Variants in FHIT observed in about 807,000 individuals in gnomAD.
The protein encoded by FHIT is fragile histidine triad diadenosine triphosphatase.
In FHIT, 19 loss-of-function variants were observed where a neutral mutation model predicts 17.9. That is an observed-to-expected ratio of 1.06 (90% CI 0.74 to 1.56). The LOEUF (loss-of-function observed/expected upper bound fraction) is 1.56, where lower values mean the gene tolerates loss of function less well. FHIT is among the 40% of genes most tolerant of loss of function. FHIT has a pLI of 0.00. For synonymous variants in FHIT, 81 were observed against 69.7 expected, an observed-to-expected ratio of 1.16 and a Z score of -0.81; for missense variants, 248 against 189.2, an observed-to-expected ratio of 1.31 and a Z score of -1.82.
At chr3:60,774,665 C>T (rs897567138) in intron 4 of FHIT, among the ~76,000 whole-genome samples, 3 of 152,106 alleles carry the variant, frequency 2.0e-5, no homozygotes, top group Admixed American at 2.0e-4. Flanking sequence ...AAAGTAGATG[C>T]CAGCATCACT....
At chr3:60,835,067 G>A (rs1373440472) in intron 3 of FHIT, among the ~76,000 whole-genome samples, 3 of 152,022 alleles carry the variant, frequency 2.0e-5, no homozygotes, top group Non-Finnish European at 4.4e-5. Context: ...CTAAAAGAAG[G>A]GTTCTTTATT....
rs1559635789 is a variant in FHIT at position 59,821,758 on chromosome 3, A to ATT, written c.349-69438_349-69437insAA. 2.1e-4 allele frequency among the ~76,000 whole-genome samples: 32 copies of ATT among 149,260 alleles called. No individual in the cohort carries two copies. In the Middle Eastern group the frequency reaches 0.01, roughly 49 times the overall value. ...CCTGGTTCTTAGAGTTTTTTTTTAA[A>ATT]AAAAATATATAAATGATCTGCATTT... On this transcript the variant is annotated intron_variant, in intron 8 of 9. Coordinates refer to ENST00000492590, the MANE Select transcript of FHIT (RefSeq NM_002012.4).
chr3:60,562,811 G>C (rs151030271), intron 4 of FHIT, among the ~76,000 whole-genome samples: 14 of 152,228 alleles, frequency 9.2e-5, no homozygotes, highest in African/African-American at 2.9e-4. Context: ...TGTCCACCAA[G>C]CCTGGCCTCT....
At chr3:60,800,881 G>C (rs1272652318) in intron 4 of FHIT, among the ~76,000 whole-genome samples, 2 of 152,082 alleles carry the variant, frequency 1.3e-5, no homozygotes, top group Non-Finnish European at 2.9e-5. Flanking sequence ...GGTATTTCTG[G>C]GGAAGTTCAT....
intron 4 of FHIT, among the ~76,000 whole-genome samples, chr3:60,574,783 C>T (rs2037510663): frequency 6.6e-6 from 1 of 151,984 alleles, no homozygotes; most frequent in Non-Finnish European, 1.5e-5. Flanking sequence ...TCCTTTCAGT[C>T]CTTCCGCTTG....
chr3:61,073,132 T>A (rs1038024666), intron 2 of FHIT, among the ~76,000 whole-genome samples: 1 of 152,154 alleles, frequency 6.6e-6, no homozygotes, highest in Non-Finnish European at 1.5e-5. Flanking sequence ...TTCCAATCCC[T>A]CCTCCCTGTA....
chr3:59,749,629 ATCT>A (rs1700775200), intron 9 of FHIT, 50 bp from the exon 10 acceptor site: 1 of 230,782 alleles, frequency 4.3e-6, no homozygotes, highest in East Asian at 6.1e-5. Flanking sequence ...AACATCAGAA[ATCT>A]TCTCTGTAGG....
intron 1 of FHIT, among the ~76,000 whole-genome samples, chr3:61,214,319 G>C (rs999429502): frequency 1.3e-4 from 20 of 152,288 alleles, no homozygotes; most frequent in African/African-American, 4.1e-4. Flanking sequence ...AAATGATAAA[G>C]GGGATATCAC....
At chr3:59,755,908 T>G (rs1428940764) in intron 8 of FHIT, among the ~76,000 whole-genome samples, 1 of 152,146 alleles carries the variant, frequency 6.6e-6, no homozygotes, top group Non-Finnish European at 1.5e-5. Context: ...AGGCGAGAGT[T>G]AGTTAGGTCT....
At chr3:61,193,119 G>A (rs577153904) in intron 2 of FHIT, among the ~76,000 whole-genome samples, 6 of 152,282 alleles carry the variant, frequency 3.9e-5, no homozygotes, top group African/African-American at 9.6e-5. Context: ...TCATTGAAGG[G>A]AATGTGTTAC....
rs540489299 is a variant in FHIT at position 60,567,451 on chromosome 3, T to G, written c.-17-30472A>C. ...CCTTCCTTACACCTTATACAAAAAT[T>G]AATTCAAGATGGATTAAAGACTTAA... is the stretch of plus-strand genomic sequence containing the variant. On this transcript the variant is annotated intron_variant, in intron 4 of 9. Coordinates refer to ENST00000492590, the MANE Select transcript of FHIT (RefSeq NM_002012.4). Among the ~76,000 whole-genome samples the G allele has an allele frequency of 3.9e-4, 60 of 152,250 alleles. 1 individual carries two copies. In the South Asian group the frequency reaches 5.6e-3, roughly 14 times the overall value.
intron 4 of FHIT, among the ~76,000 whole-genome samples, chr3:60,735,289 T>C (rs370005075): frequency 1.3e-5 from 2 of 152,212 alleles, no homozygotes. Flanking sequence ...GCATTCCTCA[T>C]TGTGCTGGTA....
At chr3:59,838,133 C>G (rs1195963228) in intron 8 of FHIT, among the ~76,000 whole-genome samples, 2 of 152,172 alleles carry the variant, frequency 1.3e-5, no homozygotes, top group Non-Finnish European at 2.9e-5. Flanking sequence ...GCCTCCACCC[C>G]TCTAGCCTTC....
At chr3:60,321,843 C>T (rs1709446133) in intron 5 of FHIT, among the ~76,000 whole-genome samples, 1 of 152,186 alleles carries the variant, frequency 6.6e-6, no homozygotes, top group Non-Finnish European at 1.5e-5. Flanking sequence ...CTTGAAGCAT[C>T]TTCAGTGGTA....
At chr3:60,921,085 A>G (rs552457238) in intron 3 of FHIT, among the ~76,000 whole-genome samples, 3 of 152,342 alleles carry the variant, frequency 2.0e-5, no homozygotes, top group Admixed American at 6.5e-5. Context: ...TAGGGGACGG[A>G]GGAGAAAACT....
At chr3:60,722,084 T>C (rs1553708204) in intron 4 of FHIT, among the ~76,000 whole-genome samples, 1 of 152,178 alleles carries the variant, frequency 6.6e-6, no homozygotes, top group Non-Finnish European at 1.5e-5. Flanking sequence ...GGCTCAGAGA[T>C]GATATGGTCA....
chr3:60,596,086 A>G (rs2038261977), intron 4 of FHIT: 1 of 310,196 alleles, frequency 3.2e-6, no homozygotes, highest in Non-Finnish European at 4.7e-6. Context: ...TGCTCTATTA[A>G]TTCTTCTTTC....
intron 4 of FHIT, among the ~76,000 whole-genome samples, chr3:60,810,443 C>T (rs1553735751): frequency 6.6e-6 from 1 of 152,120 alleles, no homozygotes; most frequent in Non-Finnish European, 1.5e-5. Flanking sequence ...AGTTTGACAA[C>T]CTGAAGAAAC....
chr3:60,217,798 T>C (rs925050327), intron 5 of FHIT, among the ~76,000 whole-genome samples: 3 of 152,206 alleles, frequency 2.0e-5, no homozygotes, highest in Non-Finnish European at 4.4e-5. Flanking sequence ...CTCCTGCCCA[T>C]GGTTCAGATC....
Sources: allele counts gnomAD v4.1 joint callset (sites outside exome capture counted in the v4.1 genomes callset), GRCh38; gene constraint gnomAD v4.1.1; transcripts MANE v1.5; gene names NCBI Gene and HGNC (gene_info 2026-07-23, HGNC 2026-07-21).